The following FGF9 variants were observed in gnomAD, a reference collection of about 807,000 sequenced individuals.
FGF9 encodes fibroblast growth factor 9 (glia-activating factor).
A neutral mutation model predicts 19.9 loss-of-function variants in FGF9; 3 were observed. The observed-to-expected ratio is 0.15, with a 90% CI of 0.07 to 0.39. The LOEUF (loss-of-function observed/expected upper bound fraction) is 0.39. FGF9 is among the 10% of genes least tolerant of loss of function. The pLI is 1.00. For missense variants in FGF9, 175 were observed against 256.8 expected (o/e 0.68, Z 2.18); for synonymous variants, 107 against 106.9 (o/e 1.00, Z -0.01).
rs1471152525 is a variant in FGF9, at chr13:21,702,382, A to C, written c.*947A>C. ...GGATTAAAGATAAACTGGGTCTCAA[A>C]CTTTGATTCTGTGTCTGCAATATTT... On this transcript the variant is annotated 3_prime_UTR_variant, in exon 3 of 3. Transcript: ENST00000382353. The C allele has an allele frequency of 6.6e-6, 1 of 152,172 alleles. No individual in the cohort carries two copies. Among genetic ancestry groups the C allele is most frequent in the African/African-American group, 2.4e-5 (1 of 41,438 alleles). The allele number at this position is 152,172 out of a possible 1,614,324, so 9.4% of individuals were successfully genotyped here. A position where few individuals can be genotyped will look rare whatever the true frequency, so the allele number is the denominator to read the frequency against.
Position 21,672,113 on chromosome 13 carries a change from C to T in FGF9, c.201C>T (p.Tyr67=). ...GGATTCTCAGGCGGAGGCAGCTATA[C>T]TGCAGGACTGGATTTCACTTAGAAA... The part of the protein sequence containing the change: ...LKGILRRRQL[Y]CRTGFHLEIF... The change falls in exon 1 of 3, where the codon TAC becomes TAT. Residue 67 remains tyrosine, a synonymous_variant. Coordinates refer to ENST00000382353, the MANE Select transcript of FGF9 (RefSeq NM_002010.3). The surrounding 1 kb of genome is among the most constrained non-coding windows in gnomAD (Gnocchi z 4.2). 6.2e-7 allele frequency: 1 copy of T among 1,614,230 alleles called. No individual in the cohort carries two copies. Among genetic ancestry groups the T allele is most frequent in the Non-Finnish European group, 8.5e-7 (1 of 1,180,032 alleles).
chr13:21,695,844 T>G (rs1872399923), intron 2 of FGF9, among the ~76,000 whole-genome samples: 1 of 152,230 alleles, frequency 6.6e-6, no homozygotes, highest in Non-Finnish European at 1.5e-5. Context: ...CAGTCACTGA[T>G]CATAAGCTGA....
intron 2 of FGF9, among the ~76,000 whole-genome samples, chr13:21,683,198 T>C (rs998040292): frequency 6.6e-6 from 1 of 152,176 alleles, no homozygotes; most frequent in African/African-American, 2.4e-5. Flanking sequence ...AAGGAGAGCA[T>C]GTCTAATTTT....
chr13:21,690,557 G>A (rs1445974126), intron 2 of FGF9, among the ~76,000 whole-genome samples: 1 of 152,160 alleles, frequency 6.6e-6, no homozygotes, highest in Non-Finnish European at 1.5e-5. Context: ...TGCTTTGTAG[G>A]TGCTGGAAAT....
At chr13:21,676,997 T>G (rs1871931404) in intron 1 of FGF9, among the ~76,000 whole-genome samples, 1 of 152,200 alleles carries the variant, frequency 6.6e-6, no homozygotes, top group Admixed American at 6.5e-5. Flanking sequence ...GTGATTTTCC[T>G]GAAATAGTCC....
intron 1 of FGF9, among the ~76,000 whole-genome samples, chr13:21,676,216 C>T (rs895172140): frequency 6.6e-6 from 1 of 152,096 alleles, no homozygotes; most frequent in African/African-American, 2.4e-5. Context: ...TAAGTCTGTT[C>T]CCTTTTTGGC....
At chr13:21,677,869 C>T (rs1871951799) in intron 1 of FGF9, among the ~76,000 whole-genome samples, 1 of 152,118 alleles carries the variant, frequency 6.6e-6, no homozygotes, top group African/African-American at 2.4e-5. Context: ...GCTTGGATAG[C>T]TTTTTGGAGA....
chr13:21,695,115 T>TGTGTGAGA (rs1555224959), intron 2 of FGF9, among the ~76,000 whole-genome samples: 39 of 149,576 alleles, frequency 2.6e-4, no homozygotes, highest in African/African-American at 9.3e-4. Flanking sequence ...TGTGTGTGTG[T>TGTGTGAGA]GAGAGAGACT....
chr13:21,697,876 G>A (rs1043078496), intron 2 of FGF9, among the ~76,000 whole-genome samples: 29 of 148,670 alleles, frequency 2.0e-4, no homozygotes, highest in Non-Finnish European at 3.6e-4. Context: ...GCACGGTCTT[G>A]GCTCACTGCA....
intron 2 of FGF9, among the ~76,000 whole-genome samples, chr13:21,698,406 C>T (rs1250131033): frequency 2.0e-5 from 3 of 152,194 alleles, no homozygotes; most frequent in Non-Finnish European, 4.4e-5. Context: ...GGAGCTTCCT[C>T]GGTGTTCAGC....
chr13:21,697,808 CT>C lies in FGF9; in HGVS notation c.382-3366del, dbSNP rs1270795107. The stretch of plus-strand genomic sequence containing the variant: ...CATTTTGAAATAGACACATAGGACT[CT>C]TTTTTTTTTTTTTTTGAGACGGAGT... On this transcript the variant is annotated intron_variant, in intron 2 of 2. Transcript: ENST00000382353. 4.4e-3 allele frequency among the ~76,000 whole-genome samples: 608 copies of C among 138,066 alleles called. 1 individual carries two copies. The highest frequency in any genetic ancestry group is 0.012 in the African/African-American group (436 of 37,244). 90.6% of individuals were successfully genotyped at this position (138,066 alleles called of 152,430 possible). A position where few individuals can be genotyped will look rare whatever the true frequency, so the allele number is the denominator to read the frequency against.
chr13:21,696,676 G>A (rs1219391301), intron 2 of FGF9, among the ~76,000 whole-genome samples: 3 of 152,088 alleles, frequency 2.0e-5, no homozygotes, highest in African/African-American at 7.2e-5. Context: ...AATATTTTTT[G>A]CTATCCAAAT....
chr13:21,700,843 T>C (rs1872522394), intron 2 of FGF9, among the ~76,000 whole-genome samples: 1 of 152,216 alleles, frequency 6.6e-6, no homozygotes, highest in Non-Finnish European at 1.5e-5. Flanking sequence ...AGTTAGAGAT[T>C]AGAATGTAGT....
chr13:21,680,287 T>A (rs988093380), intron 1 of FGF9, among the ~76,000 whole-genome samples: 2 of 152,192 alleles, frequency 1.3e-5, no homozygotes, highest in African/African-American at 4.8e-5. Context: ...CAATACTTTG[T>A]TTAAGCAAAA....
chr13:21,673,564 C>A (rs1871823408), intron 1 of FGF9, among the ~76,000 whole-genome samples: 1 of 152,236 alleles, frequency 6.6e-6, no homozygotes, highest in Non-Finnish European at 1.5e-5. Context: ...CCTCCCCACC[C>A]CAGAAGTAAA....
chr13:21,679,802 A>C (rs1045067126), intron 1 of FGF9, among the ~76,000 whole-genome samples: 2 of 150,420 alleles, frequency 1.3e-5, no homozygotes, highest in African/African-American at 4.9e-5. Flanking sequence ...AAAAAAAAAA[A>C]ATTTAGCCCA....
chr13:21,699,055 C>T (rs902836351), intron 2 of FGF9, among the ~76,000 whole-genome samples: 2 of 152,166 alleles, frequency 1.3e-5, no homozygotes, highest in African/African-American at 2.4e-5. Context: ...AACTTCTATC[C>T]GTTTCAATAG....
At chr13:21,685,110 G>A (rs1872129219) in intron 2 of FGF9, among the ~76,000 whole-genome samples, 1 of 152,146 alleles carries the variant, frequency 6.6e-6, no homozygotes, top group African/African-American at 2.4e-5. Context: ...GGCAATGGTT[G>A]TGTTACTAAA....
chr13:21,672,184 G>A lies in FGF9; in HGVS notation c.272G>A (p.Arg91Gln). 6.2e-7 allele frequency: 1 copy of A among 1,614,194 alleles called. No individual in the cohort carries two copies. Among genetic ancestry groups the A allele is most frequent in the Non-Finnish European group, 8.5e-7 (1 of 1,180,044 alleles). ...TIQGTRKDHS[R>Q]FGILEFISIA... Reference sequence around the variant, plus strand: ...CAGGGAACCAGGAAAGACCACAGCCGATTTGGTAGGTATACCATTAACCCT... The same window carrying A: ...CAGGGAACCAGGAAAGACCACAGCCAATTTGGTAGGTATACCATTAACCCT... Residue 91 changes from arginine (R) to glutamine (Q), a missense_variant, in exon 1 of 3, where the codon CGA becomes CAA. Transcript: ENST00000382353. This position sits in a 1 kb window ranked among gnomAD's most constrained non-coding sequence, Gnocchi z 4.2.
Sources: allele counts gnomAD v4.1 joint callset (sites outside exome capture counted in the v4.1 genomes callset), GRCh38; gene constraint gnomAD v4.1.1; non-coding constraint Gnocchi (gnomAD v3.1); transcripts MANE v1.5; gene names NCBI Gene and HGNC (gene_info 2026-07-23, HGNC 2026-07-21).